The following KLRG1 variants were observed in gnomAD, a reference collection of about 807,000 sequenced individuals.
KLRG1 encodes the protein killer cell lectin-like receptor subfamily G member 1.
In KLRG1, 16 loss-of-function variants were observed where a neutral mutation model predicts 21.8. That is an observed-to-expected ratio of 0.73 (90% CI 0.50 to 1.11). KLRG1 has a LOEUF of 1.11. KLRG1 is among the 50% of genes most tolerant of loss of function. The pLI is 0.00. For missense variants in KLRG1, 173 were observed against 218.3 expected (o/e 0.79, Z 1.31); for synonymous variants, 69 against 75.9 (o/e 0.91, Z 0.47).
At chr12:8,954,841 A>C (rs1249861159) in intron 1 of KLRG1, among the ~76,000 whole-genome samples, 1 of 152,210 alleles carries the variant, frequency 6.6e-6, no homozygotes, top group Non-Finnish European at 1.5e-5. Context: ...GCCTACTAGT[A>C]AGAGTTCCAT....
chr12:9,200,123 T>G, the KLRG1 span, among the ~76,000 whole-genome samples: 1 of 152,216 alleles, frequency 6.6e-6, no homozygotes, highest in Non-Finnish European at 1.5e-5. Flanking sequence ...TATCCTAAGA[T>G]GTTAAAGCAA....
the KLRG1 span, among the ~76,000 whole-genome samples, chr12:9,053,018 A>T: frequency 1.3e-5 from 2 of 152,180 alleles, no homozygotes; most frequent in Non-Finnish European, 2.9e-5. Flanking sequence ...TCGTTTTGTT[A>T]TAATGTTGAT....
chr12:9,018,679 T>TAAAAAAAAAAAAAAAA, the KLRG1 span, among the ~76,000 whole-genome samples: 1 of 123,368 alleles, frequency 8.1e-6, no homozygotes, highest in Admixed American at 8.7e-5. Flanking sequence ...CATCTCTATT[T>TAAAAAAAAAAAAAAAA]AAAAAAAAAA....
the KLRG1 span, chr12:9,090,274 A>G: frequency 1.9e-6 from 3 of 1,589,640 alleles, no homozygotes; most frequent in Admixed American, 1.7e-5. Context: ...CTTTTCCTGA[A>G]GGAAGTAGCA....
the KLRG1 span, chr12:9,149,573 G>A: frequency 9.3e-6 from 15 of 1,612,754 alleles, no homozygotes; most frequent in Non-Finnish European, 1.3e-5. Flanking sequence ...GTGCTGCAGG[G>A]GGCGATATAC....
intron 3 of KLRG1, among the ~76,000 whole-genome samples, chr12:8,999,772 C>T (rs1195554728): frequency 2.0e-5 from 3 of 152,168 alleles, no homozygotes. Flanking sequence ...GGCGTGGTGG[C>T]TCACGCCTGT....
chr12:9,124,421 G>A, the KLRG1 span, among the ~76,000 whole-genome samples: 7 of 152,054 alleles, frequency 4.6e-5, no homozygotes, highest in Non-Finnish European at 1.0e-4. Flanking sequence ...GTGGATCTGA[G>A]CCTCCCTGTG....
intron 1 of KLRG1, among the ~76,000 whole-genome samples, chr12:8,979,186 C>A (rs1273254209): frequency 6.7e-6 from 1 of 150,152 alleles, no homozygotes; most frequent in Non-Finnish European, 1.5e-5. Flanking sequence ...GGTTAATTTT[C>A]TTTGTATTTT....
chr12:9,180,448 A>G, the KLRG1 span, among the ~76,000 whole-genome samples: 2 of 152,232 alleles, frequency 1.3e-5, no homozygotes, highest in African/African-American at 4.8e-5. Flanking sequence ...GTACCAAAAC[A>G]GAGATATAGA....
chr12:9,123,245 T>C, the KLRG1 span, among the ~76,000 whole-genome samples: 2 of 152,288 alleles, frequency 1.3e-5, no homozygotes, highest in South Asian at 2.1e-4. Flanking sequence ...CCTAACCCTA[T>C]ATATACTATG....
the KLRG1 span, among the ~76,000 whole-genome samples, chr12:9,215,017 G>T: frequency 1.3e-5 from 2 of 151,888 alleles, no homozygotes; most frequent in African/African-American, 2.4e-5. Context: ...TCAGATATAT[G>T]ATTTGAATTT....
At chr12:9,110,307 T>C in the KLRG1 span, 1 of 1,468,982 alleles carries the variant, frequency 6.8e-7, no homozygotes, top group Non-Finnish European at 9.2e-7. Context: ...TGTTTCATGT[T>C]GCTTACCTGA....
At chr12:8,975,383 G>C (rs1011931547) in intron 1 of KLRG1, among the ~76,000 whole-genome samples, 122 of 152,172 alleles carry the variant, frequency 8.0e-4, no homozygotes, top group African/African-American at 2.8e-3. Flanking sequence ...TCTCAATTCA[G>C]TTTCAGTTGG....
upstream of KLRG1, among the ~76,000 whole-genome samples, chr12:8,988,100 G>A (rs1320480719): frequency 6.6e-6 from 1 of 152,182 alleles, no homozygotes; most frequent in Non-Finnish European, 1.5e-5. Context: ...CCTAGAACTT[G>A]GCCACAGACA....
the KLRG1 span, chr12:9,095,473 A>T: frequency 6.8e-7 from 1 of 1,476,646 alleles, no homozygotes; most frequent in Non-Finnish European, 9.3e-7. Context: ...TCAAATACAG[A>T]CTCTTTTCCA....
chr12:9,048,677 T>C, the KLRG1 span, among the ~76,000 whole-genome samples: 2 of 152,126 alleles, frequency 1.3e-5, no homozygotes, highest in African/African-American at 2.4e-5. Context: ...GGATAAAAAC[T>C]CTCCAAACTC....
the KLRG1 span, among the ~76,000 whole-genome samples, chr12:9,145,309 AT>A: frequency 6.6e-6 from 1 of 151,648 alleles, no homozygotes; most frequent in African/African-American, 2.4e-5. Flanking sequence ...ATATACTTTG[AT>A]TTTTAAATCT....
chr12:9,098,886 G>A, the KLRG1 span: 1 of 959,756 alleles, frequency 1.0e-6, no homozygotes, highest in Non-Finnish European at 1.5e-6. Flanking sequence ...GGTTGGCATT[G>A]TGTCAATCCT....
chr12:9,036,894 C>G, the KLRG1 span: 1 of 355,658 alleles, frequency 2.8e-6, no homozygotes, highest in Non-Finnish European at 5.6e-6. Context: ...TAGTGGGCTA[C>G]CGGATGGGGG....
Sources: allele counts gnomAD v4.1 joint callset (sites outside exome capture counted in the v4.1 genomes callset), GRCh38; gene constraint gnomAD v4.1.1; transcripts MANE v1.5; gene names NCBI Gene and HGNC (gene_info 2026-07-23, HGNC 2026-07-21).